The following SYNE2 variants were observed in gnomAD, a reference collection of about 807,000 sequenced individuals.
SYNE2 encodes nesprin-2.
SYNE2 carries 431 observed loss-of-function variants against 856.3 expected under a neutral mutation model. The observed-to-expected ratio is 0.50, with a 90% confidence interval of 0.47 to 0.55. The LOEUF is 0.55. Ranked by LOEUF, SYNE2 falls within the 20% of genes least tolerant of loss-of-function variation. The pLI is 0.00. For missense variants in SYNE2, 8,129 were observed against 8,023.2 expected (o/e 1.01, Z -0.50); for synonymous variants, 2,923 against 2,872.3 (o/e 1.02, Z -0.56).
chr14:63,910,930 A>T (rs1566778793), intron 2 of SYNE2, among the ~76,000 whole-genome samples: 1 of 152,146 alleles, frequency 6.6e-6, no homozygotes, highest in Non-Finnish European at 1.5e-5. Context: ...TATAGGAAAA[A>T]ATTGTAAACC....
intron 90 of SYNE2, chr14:64,166,733 G>A (rs917689886): frequency 5.0e-6 from 1 of 199,646 alleles, no homozygotes; most frequent in Non-Finnish European, 1.0e-5. Flanking sequence ...ATCATCCAAG[G>A]TCAGAGTTTT....
exon 1 of SYNE2, chr14:63,761,915 G>T: frequency 4.2e-6 from 1 of 237,942 alleles, no homozygotes; most frequent in South Asian, 4.7e-5. Flanking sequence ...CCGCCGTGAC[G>T]ACCAGAGTAG....
chr14:63,992,413 C>G (rs982189881), intron 21 of SYNE2, among the ~76,000 whole-genome samples: 3 of 151,954 alleles, frequency 2.0e-5, no homozygotes, highest in African/African-American at 7.2e-5. Flanking sequence ...GTAGCTGGTA[C>G]TACAGGCAAA....
At chr14:63,837,725 G>A (rs1741402655) in intron 1 of SYNE2, among the ~76,000 whole-genome samples, 1 of 151,602 alleles carries the variant, frequency 6.6e-6, no homozygotes, top group African/African-American at 2.4e-5. Context: ...GACCAGCCTG[G>A]GCAATATAGT....
chr14:64,213,248 C>T (rs377325548), intron 105 of SYNE2, among the ~76,000 whole-genome samples: 2 of 152,342 alleles, frequency 1.3e-5, no homozygotes, highest in African/African-American at 2.4e-5. Flanking sequence ...CTCCACGAGT[C>T]GCTTTTAAGT....
intron 6 of SYNE2, among the ~76,000 whole-genome samples, chr14:63,948,760 GTATATA>G (rs548858862): frequency 5.5e-5 from 3 of 54,970 alleles, no homozygotes; most frequent in African/African-American, 1.7e-4. Context: ...GTATATATAT[GTATATA>G]TATGTATGTG....
intron 2 of SYNE2, among the ~76,000 whole-genome samples, chr14:63,919,487 T>G (rs925279712): frequency 6.6e-6 from 1 of 152,114 alleles, no homozygotes; most frequent in South Asian, 2.1e-4. Flanking sequence ...AGAAGTCTAG[T>G]GTGGCTGGAT....
At chr14:64,092,691 G>A (rs573168939) in intron 60 of SYNE2, among the ~76,000 whole-genome samples, 6 of 152,190 alleles carry the variant, frequency 3.9e-5, no homozygotes, top group East Asian at 1.9e-4. Context: ...GTTTTTCATC[G>A]TGCTTAATCA....
In SYNE2 at chr14:63,867,397, AAGAGAG is replaced by A. The variant is rs71123807; in HGVS notation, c.-52+14264_-52+14269del. Among the ~76,000 whole-genome samples, 186 of 148,080 alleles carry A rather than the reference AAGAGAG, an allele frequency of 1.3e-3. 1 individual carries two copies. Among genetic ancestry groups the A allele is most frequent in the African/African-American group, 4.3e-3 (175 of 40,596 alleles). On this transcript the variant is annotated intron_variant, in intron 1 of 115. Coordinates refer to ENST00000555002, the MANE Select transcript of SYNE2 (RefSeq NM_182914.3). ...TCCTCCTCTTAAAAAAAAAAAAAAAAAGAGAGAGAGAGAGAAAGGGCCAGGTGTGGT... is the reference window on the plus strand; with the variant it reads ...TCCTCCTCTTAAAAAAAAAAAAAAAAAGAGAGAGAAAGGGCCAGGTGTGGT...
At chr14:64,161,357 AAGT>A (rs1305575499) in intron 87 of SYNE2, among the ~76,000 whole-genome samples, 1 of 152,062 alleles carries the variant, frequency 6.6e-6, no homozygotes, top group African/African-American at 2.4e-5. Flanking sequence ...AAAAAAAAAA[AAGT>A]AGGGAAGAAA....
chr14:63,919,972 G>GTTT lies in SYNE2; in HGVS notation c.79+10762_79+10764dup, dbSNP rs10673123. ...ATATCAGGCACATGATAAAAGGTAA[G>GTTT]TTTTTTTTTTTTTTTTTTTAAGGTA... On this transcript the variant is annotated intron_variant, in intron 2 of 115. Transcript: ENST00000555002. 3.8e-3 allele frequency among the ~76,000 whole-genome samples: 422 copies of GTTT among 110,586 alleles called. 8 individuals carry two copies. Among genetic ancestry groups the GTTT allele is most frequent in the African/African-American group, 0.015 (391 of 26,156 alleles). The allele number at this position is 110,586 out of a possible 152,430, so 72.5% of individuals were successfully genotyped here. A position where few individuals can be genotyped will look rare whatever the true frequency, so the allele number is the denominator to read the frequency against.
At chr14:64,009,441 CAGG>C (rs2096826089) in intron 31 of SYNE2, among the ~76,000 whole-genome samples, 1 of 143,834 alleles carries the variant, frequency 7.0e-6, no homozygotes, top group Non-Finnish European at 1.5e-5. Flanking sequence ...GAGGCTGAAG[CAGG>C]AGAATTGCTT....
At chr14:63,973,393 A>C (rs2096495362) in intron 11 of SYNE2, among the ~76,000 whole-genome samples, 1 of 152,180 alleles carries the variant, frequency 6.6e-6, no homozygotes, top group South Asian at 2.1e-4. Context: ...GCACTTTGGG[A>C]GGCCGAGGCG....
intron 100 of SYNE2, among the ~76,000 whole-genome samples, chr14:64,206,459 T>A (rs2098605731): frequency 6.7e-6 from 1 of 149,692 alleles, no homozygotes; most frequent in African/African-American, 2.4e-5. Context: ...ACTTTATTTA[T>A]TTTTTTTTTG....
At chr14:63,877,913 G>T (rs1178661558) in intron 1 of SYNE2, among the ~76,000 whole-genome samples, 1 of 151,144 alleles carries the variant, frequency 6.6e-6, no homozygotes, top group African/African-American at 2.4e-5. Context: ...TTTGAGACAG[G>T]GTCTCATTCT....
chr14:63,769,434 G>A (rs975508781), intron 1 of SYNE2, among the ~76,000 whole-genome samples: 4 of 152,120 alleles, frequency 2.6e-5, no homozygotes, highest in Admixed American at 6.6e-5. Context: ...TTGGGAGGCC[G>A]AGACAGGCAG....
At position 64,152,657 on chromosome 14, in the gene SYNE2, G is replaced by A. The variant is rs1411969181; in HGVS notation, c.15733G>A (p.Glu5245Lys). ...GGAGAGTGGGGCAGTGCCATTGTTA[G>A]AAGATACAGCATCCCGAATTGATGA... ...TLESGAVPLL[E>K]DTASRIDELF... The change falls in exon 85 of 116, where the codon GAA (glutamate) becomes AAA (lysine). Residue 5245 changes from glutamate to lysine, a missense_variant. Coordinates refer to ENST00000555002, the MANE Select transcript of SYNE2 (RefSeq NM_182914.3). 7 of 1,614,012 alleles carry A rather than the reference G, an allele frequency of 4.3e-6. No homozygotes were observed. Among genetic ancestry groups the A allele is most frequent in the Non-Finnish European group, 5.9e-6 (7 of 1,180,014 alleles).
chr14:64,113,526 C>T lies in SYNE2; in HGVS notation c.12795C>T (p.Asn4265=), dbSNP rs780647420. ...ANVAVEPETL[N]ADMQQVLEQQ... is the part of the protein sequence containing the mutation. Reference sequence around the variant, plus strand: ...TGGCAGTTGAGCCGGAAACATTAAACGCAGACATGCAGCAGGTGCTGGAAC... The same window carrying T: ...TGGCAGTTGAGCCGGAAACATTAAATGCAGACATGCAGCAGGTGCTGGAAC... The change falls in exon 66 of 116, where the codon AAC becomes AAT. Residue 4265 remains asparagine (N), a synonymous_variant. Transcript: ENST00000555002. The T allele has an allele frequency of 2.0e-5, 32 of 1,613,436 alleles. No individual in the cohort carries two copies. The highest frequency in any genetic ancestry group is 4.0e-5 in the African/African-American group (3 of 74,916).
rs1595563511 is a variant in SYNE2 at position 64,106,623 on chromosome 14, T to C, written c.12493-868T>C. Among the ~76,000 whole-genome samples, 8 of 152,230 alleles carry C rather than the reference T, an allele frequency of 5.3e-5. No homozygotes were observed. In the South Asian group the frequency reaches 1.4e-3, roughly 28 times the overall value. On this transcript the variant is annotated intron_variant, in intron 64 of 115. Coordinates refer to ENST00000555002, the MANE Select transcript of SYNE2 (RefSeq NM_182914.3). ...GAGATCGTGCCACTGCCCTCCAGCC[T>C]GGGCGACAGAGCGAGACTCCGTCTC...
Sources: gnomAD v4.1 joint callset for allele counts (sites outside exome capture counted in the v4.1 genomes callset) on GRCh38, gnomAD v4.1.1 for gene constraint, MANE v1.5 for transcripts, NCBI Gene and HGNC (gene_info 2026-07-23, HGNC 2026-07-21) for gene names.